The following ZNF578 variants were observed in gnomAD, a reference collection of about 807,000 sequenced individuals.
The protein encoded by ZNF578 is zinc finger protein 578, also known as Putative chemokine-related protein B42.
In ZNF578, 8 loss-of-function variants were observed where a neutral mutation model predicts 8.3. The ratio of observed to expected loss-of-function variants is 0.96; its 90% CI spans 0.56 to 1.74. ZNF578 has a LOEUF of 1.74. Ranked by LOEUF, ZNF578 falls within the 40% of genes most tolerant of loss-of-function variation. The pLI is 0.00. For synonymous variants in ZNF578, 206 were observed against 232.2 expected, an observed-to-expected ratio of 0.89 and a Z score of 1.03; for missense variants, 726 against 707.5, an observed-to-expected ratio of 1.03 and a Z score of -0.30.
At chr19:52,454,259 A>T (rs1313678150) in intron 1 of ZNF578, 1 of 152,242 alleles carries the variant, frequency 6.6e-6, no homozygotes, top group Non-Finnish European at 1.5e-5. Context: ...CACTGAACCC[A>T]GAATACTTCA....
intron 4 of ZNF578, 31 bp downstream of exon 4, chr19:52,501,939 G>A (rs772242224): frequency 3.7e-6 from 6 of 1,605,820 alleles, no homozygotes; most frequent in Non-Finnish European, 5.1e-6. Context: ...GGATTAATCT[G>A]TCTCTTTCCT....
In ZNF578 at chr19:52,512,777, A is replaced by G. The variant is rs2059454394; in HGVS notation, c.*623A>G. 2.0e-5 allele frequency among the ~76,000 whole-genome samples: 3 copies of G among 152,350 alleles called. No homozygotes were observed. Among genetic ancestry groups the G allele is most frequent in the South Asian group, 2.1e-4 (1 of 4,830 alleles). On this transcript the variant is annotated 3_prime_UTR_variant, in exon 6 of 6. Coordinates refer to ENST00000421239, the MANE Select transcript of ZNF578 (RefSeq NM_001099694.2). Reference sequence around the variant, plus strand: ...GATAACTGTTCCCAATGCAGTGAGTATAGCAAACCATCAAGCATTAATTGA... The same window carrying G: ...GATAACTGTTCCCAATGCAGTGAGTGTAGCAAACCATCAAGCATTAATTGA...
intron 3 of ZNF578, among the ~76,000 whole-genome samples, chr19:52,493,641 G>A (rs144286332): frequency 8.5e-5 from 13 of 152,182 alleles, no homozygotes; most frequent in Admixed American, 5.9e-4. Context: ...AGAGATAAGA[G>A]GCGGTAATAT....
At chr19:52,505,869 G>C (rs1241705339) in intron 5 of ZNF578, among the ~76,000 whole-genome samples, 4 of 151,944 alleles carry the variant, frequency 2.6e-5, no homozygotes. Flanking sequence ...ATTTCCTTCA[G>C]ACACAGTGGC....
intron 2 of ZNF578, among the ~76,000 whole-genome samples, chr19:52,476,246 C>T (rs2059308004): frequency 1.3e-5 from 2 of 152,186 alleles, no homozygotes; most frequent in South Asian, 2.1e-4. Flanking sequence ...ATGCCACAGT[C>T]ACCATCTTCC....
intron 4 of ZNF578, among the ~76,000 whole-genome samples, chr19:52,504,167 T>C (rs2059417277): frequency 6.9e-6 from 1 of 144,334 alleles, no homozygotes; most frequent in South Asian, 2.4e-4. Context: ...CTTGGCTCAC[T>C]GCGGCCTCCA....
chr19:52,494,205 G>A (rs971069550), intron 3 of ZNF578, among the ~76,000 whole-genome samples: 7 of 152,074 alleles, frequency 4.6e-5, no homozygotes, highest in Non-Finnish European at 7.4e-5. Flanking sequence ...AAGAAAGAGT[G>A]GCTGGGCGCA....
chr19:52,480,389 C>T (rs2100868), intron 2 of ZNF578, among the ~76,000 whole-genome samples: 7,182 of 152,080 alleles, frequency 0.047, 557 homozygotes, highest in African/African-American at 0.16. Flanking sequence ...ACTGAAAATT[C>T]CTGGGCAAAT....
At chr19:52,474,058 AT>A in intron 2 of ZNF578, 3 of 426,446 alleles carry the variant, frequency 7.0e-6, no homozygotes, top group Non-Finnish European at 9.7e-6. Context: ...TGCCACATTC[AT>A]TACATTTGTA....
chr19:52,508,743 T>A (rs1044371505), intron 5 of ZNF578, among the ~76,000 whole-genome samples: 7 of 149,974 alleles, frequency 4.7e-5, no homozygotes, highest in Admixed American at 3.3e-4. Flanking sequence ...TGTGGTGAGC[T>A]GATATTGCAT....
intron 2 of ZNF578, among the ~76,000 whole-genome samples, chr19:52,475,503 C>T (rs1447512795): frequency 6.6e-6 from 1 of 152,030 alleles, no homozygotes; most frequent in African/African-American, 2.4e-5. Context: ...ATTACAGGCG[C>T]CAGCCACCAC....
In ZNF578 at chr19:52,514,078, C is replaced by T. The variant is rs2059462488; in HGVS notation, c.*1924C>T. On this transcript the variant is annotated 3_prime_UTR_variant, in exon 6 of 6. Transcript: ENST00000421239. ...AAAAATGCTTTTGTTCTCGTTGTGTCATAGACTTCCCTTTTTTTTCCTTCT... is the reference window on the plus strand; with the variant it reads ...AAAAATGCTTTTGTTCTCGTTGTGTTATAGACTTCCCTTTTTTTTCCTTCT... Among the ~76,000 whole-genome samples, 1 of 152,106 alleles carries T rather than the reference C, an allele frequency of 6.6e-6. No individual in the cohort carries two copies. Among genetic ancestry groups the T allele is most frequent in the Admixed American group, 6.6e-5 (1 of 15,252 alleles).
At position 52,511,865 on chromosome 19, in the gene ZNF578, G is replaced by T; in HGVS notation, c.1484G>T (p.Arg495Met). 1 of 1,608,064 alleles carries T rather than the reference G, an allele frequency of 6.2e-7. No homozygotes were observed. The highest frequency in any genetic ancestry group is 1.4e-5 in the African/African-American group (1 of 73,536). Residue 495 changes from arginine (R) to methionine (M), a missense_variant, in exon 6 of 6, where the codon AGG (arginine) becomes ATG (methionine). Coordinates refer to ENST00000421239, the MANE Select transcript of ZNF578 (RefSeq NM_001099694.2). ...CNECHKTFSH[R>M]SSLPCHRRLH... ...GAGTGTCACAAGACCTTCAGTCACA[G>T]GTCATCTCTTCCATGCCATCGTAGA...
In ZNF578 at chr19:52,456,839, A is replaced by T. The variant is rs115566795; in HGVS notation, c.-212-29A>T. ...AACACTCAGGATTAACTTGTTTTTT[A>T]AAAAGTTTTCTTTTTCTTTTTCTTT... On this transcript the variant is annotated intron_variant, in intron 1 of 5. Transcript: ENST00000421239. The T allele has an allele frequency of 8.2e-3, 1,258 of 154,280 alleles. 22 individuals are homozygous for T. The highest frequency in any genetic ancestry group is 0.029 in the African/African-American group (1,192 of 41,606). The allele number at this position is 154,280 out of a possible 1,614,324, so 9.6% of individuals were successfully genotyped here. A position where few individuals can be genotyped will look rare whatever the true frequency, so the allele number is the denominator to read the frequency against.
Position 52,503,230 on chromosome 19 carries a change from G to A in ZNF578, c.63+1322G>A, listed in dbSNP as rs866515344. Reference sequence around the variant, plus strand: ...TATTTTTATTTTGTTGTCCAGGCTGGAGTGCAGTAATGCAATCATAGCTTG... The same window carrying A: ...TATTTTTATTTTGTTGTCCAGGCTGAAGTGCAGTAATGCAATCATAGCTTG... On this transcript the variant is annotated intron_variant, in intron 4 of 5. Coordinates refer to ENST00000421239, the MANE Select transcript of ZNF578 (RefSeq NM_001099694.2). Among the ~76,000 whole-genome samples, 55 of 152,270 alleles carry A rather than the reference G, an allele frequency of 3.6e-4. No homozygotes were observed. The Middle Eastern group carries it at 0.01, about 28-fold the overall frequency.
At chr19:52,498,210 G>T (rs1255310609) in intron 3 of ZNF578, among the ~76,000 whole-genome samples, 2 of 152,134 alleles carry the variant, frequency 1.3e-5, no homozygotes, top group Non-Finnish European at 2.9e-5. Context: ...AGGCTGGAGT[G>T]CAGTGACATG....
At chr19:52,501,705 G>A in intron 3 of ZNF578, 122 bp from the exon 4 acceptor site, 2 of 931,508 alleles carry the variant, frequency 2.1e-6, no homozygotes, top group Non-Finnish European at 3.2e-6. Context: ...ATGATCTCTG[G>A]TGCAGTGGGC....
intron 2 of ZNF578, among the ~76,000 whole-genome samples, chr19:52,483,814 G>C (rs10775555): frequency 0.61 from 92,444 of 152,046 alleles, 28,229 homozygotes; most frequent in African/African-American, 0.64. Context: ...AGTTCTTATT[G>C]CTTTTAATGC....
chr19:52,479,817 T>G (rs2059319847), intron 2 of ZNF578, among the ~76,000 whole-genome samples: 1 of 152,188 alleles, frequency 6.6e-6, no homozygotes, highest in South Asian at 2.1e-4. Flanking sequence ...AATGTGAAAA[T>G]ATTTTTTCCA....
Sources: allele counts gnomAD v4.1 joint callset (sites outside exome capture counted in the v4.1 genomes callset), GRCh38; gene constraint gnomAD v4.1.1; transcripts MANE v1.5; gene names NCBI Gene and HGNC (gene_info 2026-07-23, HGNC 2026-07-21).